The following CTNND2 variants were observed in gnomAD, a reference collection of about 807,000 sequenced individuals.
CTNND2 encodes the protein catenin delta-2.
Under a neutral mutation model 144.4 loss-of-function variants are expected in CTNND2, and 22 were observed. The observed-to-expected ratio is 0.15, with a 90% CI of 0.11 to 0.22. CTNND2 has a LOEUF of 0.22. CTNND2 is among the 10% of genes least tolerant of loss of function. CTNND2 has a pLI of 1.00. For synonymous variants in CTNND2, 751 were observed against 695.6 expected (o/e 1.08, Z -1.25); for missense variants, 1,353 against 1,618.8 (o/e 0.84, Z 2.82).
At chr5:11,636,031 C>CCCCCCCCCCG (rs1781682112) in intron 2 of CTNND2, among the ~76,000 whole-genome samples, 2 of 143,956 alleles carry the variant, frequency 1.4e-5, no homozygotes, top group African/African-American at 5.2e-5. Context: ...TTAATCCCCC[C>CCCCCCCCCCG]CCACCCCCGC....
At chr5:11,196,815 T>A (rs1282747133) in intron 11 of CTNND2, among the ~76,000 whole-genome samples, 2 of 152,216 alleles carry the variant, frequency 1.3e-5, no homozygotes, top group Admixed American at 6.5e-5. Flanking sequence ...GGTGTAGACA[T>A]CTCCGTGGCT....
intron 9 of CTNND2, 146 bp downstream of exon 9, chr5:11,346,226 A>G: frequency 1.5e-6 from 1 of 679,450 alleles, no homozygotes; most frequent in Non-Finnish European, 2.2e-6. Context: ...AAGCACACAC[A>G]TTCCAAGTCA....
intron 3 of CTNND2, among the ~76,000 whole-genome samples, chr5:11,452,738 A>T (rs1435805934): frequency 3.3e-5 from 5 of 152,336 alleles, no homozygotes; most frequent in African/African-American, 4.8e-5. Flanking sequence ...TGGTTTCAGA[A>T]AGAAAAAAAA....
chr5:11,444,399 CT>C (rs1283250658), intron 3 of CTNND2, among the ~76,000 whole-genome samples: 2 of 152,204 alleles, frequency 1.3e-5, no homozygotes, highest in Admixed American at 6.5e-5. Context: ...AAGAAATTCT[CT>C]AAAAATCTGG....
chr5:11,516,891 A>G (rs1361846248), intron 3 of CTNND2, among the ~76,000 whole-genome samples: 2 of 152,210 alleles, frequency 1.3e-5, no homozygotes, highest in African/African-American at 4.8e-5. Context: ...AAAAAAGACT[A>G]AATTTTGAGA....
At chr5:11,573,501 G>T (rs1777741677) in intron 2 of CTNND2, among the ~76,000 whole-genome samples, 1 of 152,118 alleles carries the variant, frequency 6.6e-6, no homozygotes, top group African/African-American at 2.4e-5. Flanking sequence ...CAAATGACAG[G>T]GTAATAATTG....
At position 11,000,760 on chromosome 5, in the gene CTNND2, C is replaced by T. The variant is rs76803417; in HGVS notation, c.3085-8083G>A. ...GGTAAGCTCCATCTCAGCTTCTTTT[C>T]CACACATTAAGGGCAATGTGACTCA... On this transcript the variant is annotated intron_variant, in intron 18 of 21. Transcript: ENST00000304623. Among the ~76,000 whole-genome samples the T allele has an allele frequency of 5.4e-4, 83 of 152,296 alleles. 1 individual carries two copies. The East Asian group carries it at 0.015, about 28-fold the overall frequency.
intron 5 of CTNND2, 100 bp from the exon 6 acceptor site, chr5:11,397,303 T>G (rs1760237782): frequency 1.1e-6 from 1 of 943,560 alleles, no homozygotes; most frequent in Non-Finnish European, 1.5e-6. Flanking sequence ...CTCATGCACA[T>G]GATTCCAGCC....
intron 3 of CTNND2, among the ~76,000 whole-genome samples, chr5:11,464,878 GT>G (rs537719567): frequency 2.6e-5 from 4 of 152,284 alleles, no homozygotes; most frequent in Admixed American, 6.5e-5. Context: ...TTTGATGTGG[GT>G]TGTTCAATCA....
chr5:11,659,441 A>G (rs772577332), intron 2 of CTNND2, among the ~76,000 whole-genome samples: 1 of 152,160 alleles, frequency 6.6e-6, no homozygotes, highest in Non-Finnish European at 1.5e-5. Flanking sequence ...CTATAGAAGA[A>G]TAAGTTCACG....
chr5:11,668,118 G>T (rs142030132), intron 2 of CTNND2, among the ~76,000 whole-genome samples: 3,321 of 152,210 alleles, frequency 0.022, 43 homozygotes, highest in East Asian at 0.057. Context: ...TGTTCCATTG[G>T]TCTATATATC....
intron 3 of CTNND2, among the ~76,000 whole-genome samples, chr5:11,523,931 G>C (rs978119423): frequency 1.3e-5 from 2 of 152,188 alleles, no homozygotes; most frequent in Non-Finnish European, 2.9e-5. Flanking sequence ...TGCTCTATCT[G>C]TGTTGCTGTC....
At chr5:11,034,688 G>A (rs1402721121) in intron 16 of CTNND2, among the ~76,000 whole-genome samples, 3 of 152,142 alleles carry the variant, frequency 2.0e-5, no homozygotes, top group Non-Finnish European at 4.4e-5. Flanking sequence ...CTATGTCTGT[G>A]AGGAAACAAC....
intron 1 of CTNND2, among the ~76,000 whole-genome samples, chr5:11,791,452 C>A (rs1280642208): frequency 6.6e-6 from 1 of 152,222 alleles, no homozygotes; most frequent in South Asian, 2.1e-4. Flanking sequence ...CCAGCTAGAA[C>A]AAATGGAAGG....
intron 1 of CTNND2, among the ~76,000 whole-genome samples, chr5:11,769,707 C>T (rs573072355): frequency 6.6e-6 from 1 of 152,276 alleles, no homozygotes; most frequent in East Asian, 1.9e-4. Context: ...CAAATTAACA[C>T]ACACATAAAA....
intron 2 of CTNND2, among the ~76,000 whole-genome samples, chr5:11,600,970 C>T (rs1365114306): frequency 2.6e-5 from 4 of 151,908 alleles, no homozygotes; most frequent in African/African-American, 4.8e-5. Flanking sequence ...GAAATGAATC[C>T]AAAGAATTCT....
intron 15 of CTNND2, among the ~76,000 whole-genome samples, chr5:11,095,248 C>T (rs1020884749): frequency 1.3e-5 from 2 of 152,162 alleles, no homozygotes; most frequent in African/African-American, 4.8e-5. Context: ...CAGTAGGAAC[C>T]GCAGAACTGG....
At chr5:11,840,816 A>G (rs541431259) in intron 1 of CTNND2, among the ~76,000 whole-genome samples, 1 of 152,196 alleles carries the variant, frequency 6.6e-6, no homozygotes, top group Non-Finnish European at 1.5e-5. Flanking sequence ...AGAAATACCC[A>G]AAAATCTGAC....
At chr5:11,440,792 C>T (rs77272482) in intron 3 of CTNND2, among the ~76,000 whole-genome samples, 1,838 of 152,200 alleles carry the variant, frequency 0.012, 40 homozygotes, top group African/African-American at 0.042. Flanking sequence ...TGCTCCTTCC[C>T]CAAATTAAAA....
Sources: allele counts gnomAD v4.1 joint callset (sites outside exome capture counted in the v4.1 genomes callset), GRCh38; gene constraint gnomAD v4.1.1; transcripts MANE v1.5; gene names NCBI Gene and HGNC (gene_info 2026-07-23, HGNC 2026-07-21).